Variants in TEX35 observed in about 807,000 individuals in gnomAD.
The protein encoded by TEX35 is testis-expressed protein 35.
In TEX35, 26 loss-of-function variants were observed where a neutral mutation model predicts 31.9. The observed-to-expected ratio is 0.81, with a 90% CI of 0.60 to 1.13. TEX35 has a LOEUF of 1.13. TEX35 is among the 50% of genes most tolerant of loss of function. TEX35 has a pLI of 0.00. For missense variants in TEX35, 278 were observed against 273.5 expected, an observed-to-expected ratio of 1.02 and a Z score of -0.12; for synonymous variants, 87 against 90.7, an observed-to-expected ratio of 0.96 and a Z score of 0.23.
chr1:178,514,462 G>A (rs1041158747), intron 2 of TEX35, among the ~76,000 whole-genome samples: 4 of 152,226 alleles, frequency 2.6e-5, no homozygotes, highest in African/African-American at 7.2e-5. Flanking sequence ...GTGGGAATGA[G>A]CCTGGCTGTT....
chr1:178,523,349 T>C (rs1404521935), downstream of TEX35: 3 of 687,380 alleles, frequency 4.4e-6, no homozygotes, highest in African/African-American at 5.3e-5. Flanking sequence ...GCTCAATTTT[T>C]AGTTTTTTGA....
chr1:178,515,616 A>G (rs933736706), intron 3 of TEX35, among the ~76,000 whole-genome samples: 8 of 152,080 alleles, frequency 5.3e-5, no homozygotes, highest in African/African-American at 1.9e-4. Flanking sequence ...TATGTTGCCC[A>G]GGCTGGTTTC....
At chr1:178,519,404 G>A (rs1156237088) in intron 5 of TEX35, among the ~76,000 whole-genome samples, 1 of 152,168 alleles carries the variant, frequency 6.6e-6, no homozygotes, top group East Asian at 1.9e-4. Flanking sequence ...TTTGGAACAT[G>A]ATGATTTTGA....
intron 5 of TEX35, among the ~76,000 whole-genome samples, 170 bp downstream of exon 5, chr1:178,516,844 C>T (rs1650096662): frequency 6.6e-6 from 1 of 152,152 alleles, no homozygotes; most frequent in East Asian, 1.9e-4. Flanking sequence ...TAGTTAGGGG[C>T]TTAGAGACAT....
chr1:178,521,279 A>G lies in TEX35; in HGVS notation c.586+15A>G. ...CTACAATCGGGGTAGGTAGATTCATACAAGATGTGCCTTTTCTCGATCAGG... is the reference window on the plus strand; with the variant it reads ...CTACAATCGGGGTAGGTAGATTCATGCAAGATGTGCCTTTTCTCGATCAGG... On this transcript the variant is annotated intron_variant, in intron 8 of 8. Coordinates refer to ENST00000319416, the MANE Select transcript of TEX35 (RefSeq NM_032126.5). 1.2e-6 allele frequency: 2 copies of G among 1,614,164 alleles called. No homozygotes were observed. Among genetic ancestry groups the G allele is most frequent in the Non-Finnish European group, 1.7e-6 (2 of 1,179,990 alleles).
At chr1:178,521,031 C>G in intron 7 of TEX35, 157 bp downstream of exon 7, 1 of 1,541,482 alleles carries the variant, frequency 6.5e-7, no homozygotes, top group African/African-American at 1.4e-5. Context: ...CCCTGACCTG[C>G]CTTGCCTTCT....
At chr1:178,513,313 AT>A in intron 1 of TEX35, 86 bp downstream of exon 1, 1 of 1,511,444 alleles carries the variant, frequency 6.6e-7, no homozygotes, top group African/African-American at 1.4e-5. Flanking sequence ...GATACAGAGA[AT>A]GCTCGCATGA....
chr1:178,522,228 C>T (rs556813941), intron 8 of TEX35, 97 bp from the exon 9 acceptor site: 1 of 1,448,332 alleles, frequency 6.9e-7, no homozygotes, highest in South Asian at 1.4e-5. Flanking sequence ...GACTCAGGTC[C>T]CTGCTGCTCA....
intron 5 of TEX35, 115 bp downstream of exon 5, chr1:178,516,789 A>G (rs955938285): frequency 3.2e-6 from 2 of 621,426 alleles, no homozygotes; most frequent in African/African-American, 3.8e-5. Context: ...CCCATATTCC[A>G]TTGCAAGAAA....
In TEX35 at chr1:178,522,302, TCTCC is replaced by T. The variant is rs1439021785; in HGVS notation, c.587-14_587-11del. On this transcript the variant is annotated intron_variant, in intron 8 of 8. Transcript: ENST00000319416. ...CCTTCTCACCCCCTTGAAGGTTTCC[TCTCC>T]CTCCCTCCACCCCCAAAGGGAACAT... is the stretch of plus-strand genomic sequence containing the variant. The T allele has an allele frequency of 1.3e-6, 2 of 1,554,542 alleles. No individual in the cohort carries two copies. Among genetic ancestry groups the T allele is most frequent in the Non-Finnish European group, 8.7e-7 (1 of 1,146,554 alleles).
chr1:178,517,771 C>G (rs1372506223), intron 5 of TEX35, among the ~76,000 whole-genome samples: 3 of 151,928 alleles, frequency 2.0e-5, no homozygotes, highest in Non-Finnish European at 4.4e-5. Context: ...AAAACTTAAG[C>G]CAGTTAACAC....
chr1:178,513,125 A>C lies in TEX35; in HGVS notation c.-64A>C, dbSNP rs1649928940. 1 of 1,564,346 alleles carries C rather than the reference A, an allele frequency of 6.4e-7. No individual in the cohort carries two copies. The highest frequency in any genetic ancestry group is 1.4e-5 in the African/African-American group (1 of 73,940). On this transcript the variant is annotated 5_prime_UTR_variant, in exon 1 of 9. Coordinates refer to ENST00000319416, the MANE Select transcript of TEX35 (RefSeq NM_032126.5). ...CCTCACCTTGACCTGTAAGTTGCCT[A>C]GGACAGTGGCCTGGTCCCAGGGGCT... is the stretch of plus-strand genomic sequence containing the variant.
intron 1 of TEX35, 42 bp from the exon 2 acceptor site, chr1:178,513,985 C>G: frequency 1.2e-6 from 2 of 1,607,848 alleles, no homozygotes; most frequent in Non-Finnish European, 1.7e-6. Flanking sequence ...CTCCCCAATC[C>G]TGATGTCTGC....
At chr1:178,517,577 G>A (rs1011293394) in intron 5 of TEX35, among the ~76,000 whole-genome samples, 12 of 152,334 alleles carry the variant, frequency 7.9e-5, no homozygotes, top group African/African-American at 2.9e-4. Flanking sequence ...GATTAAGTCA[G>A]AAGCTCTTAG....
At chr1:178,514,206 A>C (rs766425487) in intron 2 of TEX35, 129 bp downstream of exon 2, 12 of 1,577,018 alleles carry the variant, frequency 7.6e-6, no homozygotes, top group Non-Finnish European at 9.5e-6. Flanking sequence ...ATGCACTGAG[A>C]GTTCTTGCTC....
At chr1:178,521,501 G>A in intron 8 of TEX35, 1 of 1,102,594 alleles carries the variant, frequency 9.1e-7, no homozygotes, top group South Asian at 1.3e-5. Context: ...TGGGGAGGGT[G>A]CACCACTAGT....
chr1:178,514,086 C>A lies in TEX35; in HGVS notation c.90+9C>A, dbSNP rs763783407. 2.5e-6 allele frequency: 4 copies of A among 1,614,208 alleles called. No individual in the cohort carries two copies. Among genetic ancestry groups the A allele is most frequent in the South Asian group, 2.2e-5 (2 of 91,078 alleles). On this transcript the variant is annotated intron_variant, in intron 2 of 8. Coordinates refer to ENST00000319416, the MANE Select transcript of TEX35 (RefSeq NM_032126.5). ...AGCCAGAGCCGACCAAAGTAAGAAG[C>A]CCTTTTGAGGCCATGCAGGCAGCCA...
At position 178,522,485 on chromosome 1, in the gene TEX35, A is replaced by C. The variant is rs1288585351; in HGVS notation, c.*45A>C. On this transcript the variant is annotated 3_prime_UTR_variant, in exon 9 of 9. Coordinates refer to ENST00000319416, the MANE Select transcript of TEX35 (RefSeq NM_032126.5). ...AATGAGAGTAAAGAAGATACAGAGCAAACAGTGTTTCAGAAACTGTCCTGC... is the reference window on the plus strand; with the variant it reads ...AATGAGAGTAAAGAAGATACAGAGCCAACAGTGTTTCAGAAACTGTCCTGC... The C allele has an allele frequency of 6.5e-7, 1 of 1,539,290 alleles. No individual in the cohort carries two copies. The highest frequency in any genetic ancestry group is 2.0e-5 in the Admixed American group (1 of 50,820).
At chr1:178,513,253 T>A (rs1357504868) in intron 1 of TEX35, 26 bp downstream of exon 1, 1 of 1,613,996 alleles carries the variant, frequency 6.2e-7, no homozygotes, top group Non-Finnish European at 8.5e-7. Flanking sequence ...TGCTGGACAG[T>A]GTGGGTCCTC....
Sources: gnomAD v4.1 joint callset for allele counts (sites outside exome capture counted in the v4.1 genomes callset) on GRCh38, gnomAD v4.1.1 for gene constraint, MANE v1.5 for transcripts, NCBI Gene and HGNC (gene_info 2026-07-23, HGNC 2026-07-21) for gene names.